The following ZNF544 variants were observed in gnomAD, a reference collection of about 807,000 sequenced individuals.
ZNF544 encodes zinc finger protein 544.
In ZNF544, 10 loss-of-function variants were observed where a neutral mutation model predicts 13.5. That is an observed-to-expected ratio of 0.74 (90% CI 0.46 to 1.25). The LOEUF (loss-of-function observed/expected upper bound fraction) is 1.25. Ranked by LOEUF, ZNF544 falls within the 50% of genes most tolerant of loss-of-function variation. The pLI is 0.00. For synonymous variants in ZNF544, 323 were observed against 300.5 expected (o/e 1.07, Z -0.77); for missense variants, 896 against 845.6 (o/e 1.06, Z -0.74).
At chr19:58,265,735 G>A (rs2049786030), downstream of ZNF544, among the ~76,000 whole-genome samples, 1 of 151,912 alleles carries the variant, frequency 6.6e-6, no homozygotes, top group African/African-American at 2.4e-5. Flanking sequence ...GGGACCATAG[G>A]CATGTGACAT....
chr19:58,258,733 A>C (rs1600374549), intron 6 of ZNF544: 1 of 153,166 alleles, frequency 6.5e-6, no homozygotes, highest in Non-Finnish European at 1.5e-5. Context: ...AGGGATGGCC[A>C]CAGAGTGTAG....
intron 3 of ZNF544, among the ~76,000 whole-genome samples, chr19:58,241,141 T>A (rs1426644735): frequency 1.8e-5 from 1 of 55,460 alleles, no homozygotes; most frequent in East Asian, 4.3e-4. Context: ...CCAGCCAATT[T>A]AAAATATATA....
chr19:58,275,211 G>A (rs1023835359), intron 5 of ZNF544, among the ~76,000 whole-genome samples: 40 of 152,080 alleles, frequency 2.6e-4, no homozygotes, highest in African/African-American at 8.4e-4. Context: ...CTTGTCTCCC[G>A]TGTTTCCTTT....
chr19:58,240,372 C>G (rs1311956950), intron 3 of ZNF544, among the ~76,000 whole-genome samples: 1 of 151,954 alleles, frequency 6.6e-6, no homozygotes, highest in Non-Finnish European at 1.5e-5. Flanking sequence ...ATTCTCCTGC[C>G]TCAACTTCCC....
chr19:58,244,487 C>T (rs1444804389), intron 4 of ZNF544, among the ~76,000 whole-genome samples: 1 of 152,070 alleles, frequency 6.6e-6, no homozygotes, highest in African/African-American at 2.4e-5. Context: ...GCCCTCTCTT[C>T]CTGGCTTGCA....
At chr19:58,234,397 C>G (rs2146523061) in intron 3 of ZNF544, among the ~76,000 whole-genome samples, 1 of 152,320 alleles carries the variant, frequency 6.6e-6, no homozygotes, top group African/African-American at 2.4e-5. Context: ...TTGTTGTTGC[C>G]TGTTTGCTCA....
intron 4 of ZNF544, among the ~76,000 whole-genome samples, chr19:58,245,079 C>T (rs1221037903): frequency 1.3e-5 from 2 of 151,880 alleles, no homozygotes; most frequent in Non-Finnish European, 2.9e-5. Context: ...TCCCAAGTAG[C>T]TGGGATTACA....
At chr19:58,239,273 G>A (rs1417452343) in intron 3 of ZNF544, among the ~76,000 whole-genome samples, 1 of 152,138 alleles carries the variant, frequency 6.6e-6, no homozygotes, top group Non-Finnish European at 1.5e-5. Flanking sequence ...GCTGTAGAAT[G>A]TTTTACACCT....
chr19:58,242,560 C>T (rs2044127897), intron 3 of ZNF544, among the ~76,000 whole-genome samples: 2 of 151,654 alleles, frequency 1.3e-5, no homozygotes, highest in South Asian at 4.2e-4. Flanking sequence ...GTTGCCCAGG[C>T]TGGAGTCCAG....
intron 3 of ZNF544, among the ~76,000 whole-genome samples, chr19:58,241,972 G>A (rs1291982076): frequency 6.6e-6 from 1 of 151,920 alleles, no homozygotes; most frequent in Non-Finnish European, 1.5e-5. Context: ...GGACTTGAGT[G>A]CTTGATTTGC....
chr19:58,265,657 G>A (rs964655584), downstream of ZNF544, among the ~76,000 whole-genome samples: 12 of 151,870 alleles, frequency 7.9e-5, no homozygotes, highest in African/African-American at 2.4e-4. Flanking sequence ...GTGCAGTGGC[G>A]CAGTCATGGC....
At chr19:58,241,796 C>T (rs969387048) in intron 3 of ZNF544, among the ~76,000 whole-genome samples, 86 of 152,294 alleles carry the variant, frequency 5.6e-4, no homozygotes, top group African/African-American at 1.9e-3. Context: ...CACGCCCAGC[C>T]TACATTCCAT....
At chr19:58,254,724 T>C (rs1483578398) in intron 6 of ZNF544, among the ~76,000 whole-genome samples, 2 of 152,228 alleles carry the variant, frequency 1.3e-5, no homozygotes. Context: ...TTCAGTGTGA[T>C]GTATCTTCCT....
At chr19:58,250,510 T>C (rs1363330162) in intron 6 of ZNF544, among the ~76,000 whole-genome samples, 2 of 152,202 alleles carry the variant, frequency 1.3e-5, no homozygotes, top group Non-Finnish European at 2.9e-5. Context: ...ACAGGTTTTC[T>C]AAATGACACA....
intron 3 of ZNF544, among the ~76,000 whole-genome samples, chr19:58,233,739 A>G (rs1398387586): frequency 6.6e-6 from 1 of 152,132 alleles, no homozygotes; most frequent in Non-Finnish European, 1.5e-5. Flanking sequence ...GTTCCTGTTT[A>G]GTTTAAGTGC....
At chr19:58,253,128 T>C (rs1390202774) in intron 6 of ZNF544, among the ~76,000 whole-genome samples, 1 of 152,190 alleles carries the variant, frequency 6.6e-6, no homozygotes, top group Non-Finnish European at 1.5e-5. Flanking sequence ...CATAATCCTT[T>C]CTTAATTGGA....
chr19:58,242,276 TG>T, intron 3 of ZNF544: 3 of 985,234 alleles, frequency 3.0e-6, no homozygotes, highest in Non-Finnish European at 3.6e-6. Context: ...ATGATGCTGG[TG>T]GAAGAGGTTT....
At chr19:58,264,191 CG>C (rs2049534492), downstream of ZNF544, 1 of 151,330 alleles carries the variant, frequency 6.6e-6, no homozygotes, top group Non-Finnish European at 1.5e-5. Flanking sequence ...GTCAGGAGTT[CG>C]AGACCCACCT....
Position 58,242,466 on chromosome 19 carries a change from G to C in ZNF544, c.-59-1499G>C, listed in dbSNP as rs754619213. Among the ~76,000 whole-genome samples, 3 of 151,588 alleles carry C rather than the reference G, an allele frequency of 2.0e-5. No homozygotes were observed. The East Asian group carries it at 5.8e-4, about 29-fold the overall frequency. ...CCTGGGAGAATGATAAGTGTTCAGCGTCTGCAGGGGCTGCCTTTATCTGCT... is the reference window on the plus strand; with the variant it reads ...CCTGGGAGAATGATAAGTGTTCAGCCTCTGCAGGGGCTGCCTTTATCTGCT... On this transcript the variant is annotated intron_variant, in intron 3 of 6. Transcript: ENST00000687789.
Sources: allele counts gnomAD v4.1 joint callset (sites outside exome capture counted in the v4.1 genomes callset), GRCh38; gene constraint gnomAD v4.1.1; transcripts MANE v1.5; gene names NCBI Gene and HGNC (gene_info 2026-07-23, HGNC 2026-07-21).